The following EHD4 variants were observed in gnomAD, a reference collection of about 807,000 sequenced individuals.
EHD4 encodes the protein EH domain-containing protein 4.
In EHD4, 37 loss-of-function variants were observed where a neutral mutation model predicts 51.0. The ratio of observed to expected loss-of-function variants is 0.73; its 90% CI spans 0.56 to 0.95. EHD4 has a LOEUF of 0.95. Ranked by LOEUF, EHD4 falls within the 40% of genes least tolerant of loss-of-function variation. The probability of loss-of-function intolerance (pLI) is 0.00; values close to 1 mark genes in which losing one functional copy is unlikely to be tolerated. For synonymous variants in EHD4, 297 were observed against 317.3 expected (o/e 0.94, Z 0.68); for missense variants, 632 against 733.1 (o/e 0.86, Z 1.59).
intron 1 of EHD4, among the ~76,000 whole-genome samples, chr15:41,955,517 G>A (rs571908797): frequency 5.3e-5 from 8 of 152,042 alleles, no homozygotes; most frequent in Non-Finnish European, 1.2e-4. Flanking sequence ...CCCCCTGCAC[G>A]GTCCTCTGGC....
At position 41,972,537 on chromosome 15, in the gene EHD4, C is replaced by G; in HGVS notation, c.-43G>C. On this transcript the variant is annotated 5_prime_UTR_variant, in exon 1 of 6. Coordinates refer to ENST00000220325, the MANE Select transcript of EHD4 (RefSeq NM_139265.4). Reference sequence around the variant, plus strand: ...CTCGGATGGGACCCTGCTCCGGGTTCGACTCTCCCCGGCTCGCACTGAGCC... The same window carrying G: ...CTCGGATGGGACCCTGCTCCGGGTTGGACTCTCCCCGGCTCGCACTGAGCC... 1 of 1,441,544 alleles carries G rather than the reference C, an allele frequency of 6.9e-7. No homozygotes were observed. The highest frequency in any genetic ancestry group is 9.1e-7 in the Non-Finnish European group (1 of 1,102,758). The allele number at this position is 1,441,544 out of a possible 1,614,324, so 89.3% of individuals were successfully genotyped here.
intron 5 of EHD4, among the ~76,000 whole-genome samples, chr15:41,906,875 T>C (rs1384588048): frequency 6.6e-6 from 1 of 152,084 alleles, no homozygotes; most frequent in Non-Finnish European, 1.5e-5. Flanking sequence ...CCTTCCGTGG[T>C]GCTAAGGTAC....
intron 4 of EHD4, among the ~76,000 whole-genome samples, chr15:41,918,921 G>A (rs1196736271): frequency 6.6e-6 from 1 of 152,216 alleles, no homozygotes; most frequent in Non-Finnish European, 1.5e-5. Flanking sequence ...CAGGCACTAT[G>A]CCAAGTGCTC....
intron 3 of EHD4, among the ~76,000 whole-genome samples, chr15:41,930,819 G>A (rs1283103318): frequency 1.3e-5 from 2 of 152,108 alleles, no homozygotes; most frequent in Non-Finnish European, 2.9e-5. Context: ...AATCCACACG[G>A]GGCTCCTTAT....
chr15:41,937,505 A>G (rs1236262894), intron 3 of EHD4, among the ~76,000 whole-genome samples: 1 of 152,194 alleles, frequency 6.6e-6, no homozygotes, highest in African/African-American at 2.4e-5. Context: ...TCTGATCAAC[A>G]GCCTTTCAGA....
At chr15:41,928,077 TTAA>T (rs2067674640) in intron 3 of EHD4, among the ~76,000 whole-genome samples, 1 of 152,206 alleles carries the variant, frequency 6.6e-6, no homozygotes, top group South Asian at 2.1e-4. Context: ...GTCCCTTTAG[TTAA>T]TAATAACAGC....
At chr15:41,961,522 T>C (rs1031826559) in intron 1 of EHD4, among the ~76,000 whole-genome samples, 4 of 152,226 alleles carry the variant, frequency 2.6e-5, no homozygotes, top group Admixed American at 1.3e-4. Flanking sequence ...CCAAAGTTAC[T>C]TGACTATGGA....
At chr15:41,903,281 G>T (rs1476536154) in intron 5 of EHD4, among the ~76,000 whole-genome samples, 1 of 84,474 alleles carries the variant, frequency 1.2e-5, no homozygotes. Flanking sequence ...AGGCTGCTAG[G>T]AAAAAAAAAA....
intron 3 of EHD4, among the ~76,000 whole-genome samples, chr15:41,922,566 C>G (rs1305369728): frequency 6.6e-6 from 1 of 152,222 alleles, no homozygotes; most frequent in Non-Finnish European, 1.5e-5. Flanking sequence ...TGTGCCAACC[C>G]AGCCGTGCAG....
At chr15:41,911,403 C>T (rs1355929204) in intron 4 of EHD4, among the ~76,000 whole-genome samples, 6 of 151,964 alleles carry the variant, frequency 3.9e-5, no homozygotes, top group African/African-American at 1.5e-4. Flanking sequence ...ATTTAGAATC[C>T]TGGGCTTTAA....
rs548311282 is a variant in EHD4 at position 41,957,371 on chromosome 15, C to T, written c.237-3431G>A. ...AAAATAAACTCAAATGGGGATTTTG[C>T]GGAGTTGACCTCTAACAGCTCGTGC... On this transcript the variant is annotated intron_variant, in intron 1 of 5. Coordinates refer to ENST00000220325, the MANE Select transcript of EHD4 (RefSeq NM_139265.4). 1.1e-4 allele frequency among the ~76,000 whole-genome samples: 17 copies of T among 152,154 alleles called. No homozygotes were observed. The South Asian group carries it at 1.7e-3, about 15-fold the overall frequency.
intron 1 of EHD4, among the ~76,000 whole-genome samples, chr15:41,957,110 C>T (rs562849139): frequency 2.0e-5 from 3 of 152,170 alleles, no homozygotes; most frequent in South Asian, 2.1e-4. Flanking sequence ...GTGGGAGGAT[C>T]GCTTGGCCTA....
intron 2 of EHD4, among the ~76,000 whole-genome samples, chr15:41,948,190 T>A (rs2067827943): frequency 6.6e-6 from 1 of 151,932 alleles, no homozygotes; most frequent in African/African-American, 2.4e-5. Context: ...GAGGCAGAGT[T>A]TGCAGTGAGC....
At chr15:41,956,078 C>T (rs766875565) in intron 1 of EHD4, among the ~76,000 whole-genome samples, 24 of 152,284 alleles carry the variant, frequency 1.6e-4, no homozygotes, top group African/African-American at 4.8e-4. Context: ...TCGCAATTCA[C>T]GAAAATGTGA....
chr15:41,934,786 A>AGCAATT (rs1235456480), intron 3 of EHD4, among the ~76,000 whole-genome samples: 3 of 152,188 alleles, frequency 2.0e-5, no homozygotes, highest in African/African-American at 7.2e-5. Context: ...AGGAAAGGAC[A>AGCAATT]GCAATTGCAC....
At chr15:41,935,993 A>G (rs1427717293) in intron 3 of EHD4, among the ~76,000 whole-genome samples, 2 of 152,174 alleles carry the variant, frequency 1.3e-5, no homozygotes, top group African/African-American at 2.4e-5. Flanking sequence ...GGCTTCCCTC[A>G]CAGAATGGCC....
At chr15:41,968,760 T>G (rs2067977868) in intron 1 of EHD4, among the ~76,000 whole-genome samples, 1 of 152,276 alleles carries the variant, frequency 6.6e-6, no homozygotes, top group African/African-American at 2.4e-5. Flanking sequence ...TGCTTAGTGT[T>G]GAAAGACTGA....
chr15:41,912,041 A>G (rs1595531462), intron 4 of EHD4, among the ~76,000 whole-genome samples: 5 of 151,906 alleles, frequency 3.3e-5, no homozygotes, highest in Admixed American at 3.3e-4. Context: ...CACACCCTTC[A>G]CCCACTGAGT....
rs2083118457 is a variant in EHD4 at position 41,901,109 on chromosome 15, T to C, written c.1162A>G (p.Met388Val). 3 of 1,608,082 alleles carry C rather than the reference T, an allele frequency of 1.9e-6. No homozygotes were observed. Residue 388 changes from methionine (M) to valine (V), a missense_variant, in exon 6 of 6, where the codon ATG (methionine) becomes GTG (valine). Transcript: ENST00000220325. ...KPKLIEAVDN[M>V]LSNKISPLMN... ...AGGGGCGAGATCTTGTTGCTCAGCA[T>C]GTTGTCCACTGCCTCGATCAGCTTG...
Sources: allele counts gnomAD v4.1 joint callset (sites outside exome capture counted in the v4.1 genomes callset), GRCh38; gene constraint gnomAD v4.1.1; transcripts MANE v1.5; gene names NCBI Gene and HGNC (gene_info 2026-07-23, HGNC 2026-07-21).